RAP1GAP2: variants seen among roughly 807,000 people sequenced by gnomAD.
RAP1GAP2 encodes RAP1 GTPase activating protein 2.
A neutral mutation model predicts 95.0 loss-of-function variants in RAP1GAP2; 27 were observed. That is an observed-to-expected ratio of 0.28 (90% CI 0.21 to 0.39). The LOEUF (loss-of-function observed/expected upper bound fraction) is 0.39, where lower values mean the gene tolerates loss of function less well. RAP1GAP2 is among the 10% of genes least tolerant of loss of function. The probability of loss-of-function intolerance (pLI) is 1.00; values close to 1 mark genes in which losing one functional copy is unlikely to be tolerated. For missense variants in RAP1GAP2, 771 were observed against 970.0 expected, an observed-to-expected ratio of 0.79 and a Z score of 2.72; for synonymous variants, 373 against 380.9, an observed-to-expected ratio of 0.98 and a Z score of 0.24.
At chr17:3,025,941 G>T in intron 19 of RAP1GAP2, 67 bp from the exon 20 acceptor site, 1 of 1,210,096 alleles carries the variant, frequency 8.3e-7, no homozygotes, top group African/African-American at 1.5e-5. Context: ...GCTCTGCCTG[G>T]GGCCGTGGAT....
intron 22 of RAP1GAP2, among the ~76,000 whole-genome samples, chr17:3,030,175 T>TACACACACACACAC (rs1491269596): frequency 4.3e-4 from 44 of 103,374 alleles, no homozygotes; most frequent in African/African-American, 1.7e-3. Context: ...TAATATATAT[T>TACACACACACACAC]ATACACACAC....
chr17:2,891,823 T>TTTTTTC (rs1555562787), intron 2 of RAP1GAP2, among the ~76,000 whole-genome samples: 15,163 of 114,438 alleles, frequency 0.13, 1,590 homozygotes, highest in Non-Finnish European at 0.17. Flanking sequence ...TCTTTTTTTT[T>TTTTTTC]TTTTTTTTTT....
intron 2 of RAP1GAP2, among the ~76,000 whole-genome samples, chr17:2,829,703 C>G (rs920324036): frequency 6.6e-6 from 1 of 152,144 alleles, no homozygotes; most frequent in Non-Finnish European, 1.5e-5. Flanking sequence ...CTGGCCAGAG[C>G]CTGGTGGTGG....
chr17:2,947,488 C>T (rs974809245), intron 3 of RAP1GAP2, among the ~76,000 whole-genome samples: 15 of 152,314 alleles, frequency 9.8e-5, no homozygotes, highest in East Asian at 1.9e-4. Context: ...CAGCCCTCAC[C>T]GCTTGCTTCG....
intron 2 of RAP1GAP2, among the ~76,000 whole-genome samples, chr17:2,874,349 A>C (rs1375992365): frequency 1.3e-5 from 2 of 152,096 alleles, no homozygotes; most frequent in Non-Finnish European, 2.9e-5. Context: ...ATTTCAGAAA[A>C]ATTCATAGCT....
At chr17:2,979,567 A>AGC (rs1033022347) in intron 8 of RAP1GAP2, among the ~76,000 whole-genome samples, 1 of 149,916 alleles carries the variant, frequency 6.7e-6, no homozygotes, top group African/African-American at 2.5e-5. Context: ...CCTGGGTTCA[A>AGC]GCGATTCTCC....
chr17:2,985,342 A>G (rs368427612), intron 11 of RAP1GAP2, among the ~76,000 whole-genome samples: 38 of 151,494 alleles, frequency 2.5e-4, no homozygotes, highest in African/African-American at 8.0e-4. Context: ...CTACGTATTT[A>G]TGGGCTGCTG....
chr17:2,941,919 G>C (rs1203895332), intron 3 of RAP1GAP2, among the ~76,000 whole-genome samples: 2 of 152,142 alleles, frequency 1.3e-5, no homozygotes, highest in Non-Finnish European at 2.9e-5. Flanking sequence ...CTGACCTCAG[G>C]TGATCCACCT....
intron 12 of RAP1GAP2, among the ~76,000 whole-genome samples, chr17:2,994,494 GA>G (rs1326141513): frequency 3.3e-5 from 5 of 152,170 alleles, no homozygotes; most frequent in African/African-American, 1.2e-4. Context: ...TCCCAAGCGG[GA>G]TGCTGCAGTG....
At chr17:2,980,952 T>G (rs1281715527) in intron 9 of RAP1GAP2, among the ~76,000 whole-genome samples, 1 of 152,172 alleles carries the variant, frequency 6.6e-6, no homozygotes, top group Non-Finnish European at 1.5e-5. Context: ...GGCCTTGTCT[T>G]CAGGCCAGAA....
chr17:2,820,891 G>GTTTTTTTTTTTTTTTTTTTTTTTTTTTTT (rs1475267891), intron 2 of RAP1GAP2, among the ~76,000 whole-genome samples: 11 of 113,996 alleles, frequency 9.6e-5, no homozygotes, highest in East Asian at 5.2e-4. Flanking sequence ...CCCGGATAAT[G>GTTTTTTTTTTTTTTTTTTTTTTTTTTTTT]GTTTTTTTTT....
Position 3,034,339 on chromosome 17 carries a change from C to T in RAP1GAP2, c.*978C>T. On this transcript the variant is annotated 3_prime_UTR_variant, in exon 25 of 25. Coordinates refer to ENST00000254695, the MANE Select transcript of RAP1GAP2 (RefSeq NM_015085.5). The surrounding 1 kb of genome is among the most constrained non-coding windows in gnomAD (Gnocchi z 5.1). ...GGCCAGGCCGGAGCCCAGGTCTCTG[C>T]TGACAATGGGGGTTCAAGGAAGACG... is the stretch of plus-strand genomic sequence containing the variant. 1 of 227,786 alleles carries T rather than the reference C, an allele frequency of 4.4e-6. No homozygotes were observed. The highest frequency in any genetic ancestry group is 9.1e-6 in the Non-Finnish European group (1 of 109,896). The allele number at this position is 227,786 out of a possible 1,614,324, so 14.1% of individuals were successfully genotyped here.
intron 3 of RAP1GAP2, among the ~76,000 whole-genome samples, chr17:2,945,076 T>C (rs922850505): frequency 6.6e-6 from 1 of 152,100 alleles, no homozygotes; most frequent in Non-Finnish European, 1.5e-5. Context: ...GAGGTTTCAC[T>C]GTGTTAGCCA....
At chr17:2,977,890 A>G (rs1237409418) in intron 8 of RAP1GAP2, among the ~76,000 whole-genome samples, 1 of 152,212 alleles carries the variant, frequency 6.6e-6, no homozygotes, top group Non-Finnish European at 1.5e-5. Context: ...CAGAGCTGTG[A>G]AAATCTAAAT....
intron 1 of RAP1GAP2, among the ~76,000 whole-genome samples, chr17:2,765,402 C>A (rs190186855): frequency 4.0e-3 from 612 of 152,002 alleles, no homozygotes; most frequent in Non-Finnish European, 7.3e-3. Context: ...AGGAGGATCG[C>A]TTGAGCCCAG....
intron 2 of RAP1GAP2, among the ~76,000 whole-genome samples, chr17:2,888,195 T>G (rs2073567810): frequency 6.6e-6 from 1 of 152,222 alleles, no homozygotes; most frequent in Non-Finnish European, 1.5e-5. Flanking sequence ...TATTTTGATA[T>G]GTGTATACAA....
chr17:2,981,939 C>T (rs1458709970), intron 10 of RAP1GAP2, among the ~76,000 whole-genome samples: 1 of 152,202 alleles, frequency 6.6e-6, no homozygotes, highest in African/African-American at 2.4e-5. Flanking sequence ...CTTCATGGGC[C>T]AGCAGGCTCT....
intron 2 of RAP1GAP2, among the ~76,000 whole-genome samples, chr17:2,887,889 G>A (rs2073554981): frequency 6.6e-6 from 1 of 151,806 alleles, no homozygotes; most frequent in Non-Finnish European, 1.5e-5. Flanking sequence ...GGGCAGGCTG[G>A]TCTTGAACTC....
intron 2 of RAP1GAP2, among the ~76,000 whole-genome samples, chr17:2,832,365 T>C (rs577124684): frequency 8.9e-4 from 134 of 150,978 alleles, no homozygotes; most frequent in South Asian, 5.9e-3. Flanking sequence ...GAGATCATCC[T>C]GGCTAAAACG....
Sources: allele counts gnomAD v4.1 joint callset (sites outside exome capture counted in the v4.1 genomes callset), GRCh38; gene constraint gnomAD v4.1.1; non-coding constraint Gnocchi (gnomAD v3.1); transcripts MANE v1.5; gene names NCBI Gene and HGNC (gene_info 2026-07-23, HGNC 2026-07-21).